The following GJB6 variants were observed in gnomAD, a reference collection of about 807,000 sequenced individuals.
GJB6 encodes the protein gap junction protein beta 6, also known as gap junction beta-6 protein.
In GJB6, 5 loss-of-function variants were observed where a neutral mutation model predicts 5.4. The observed-to-expected ratio is 0.92, with a 90% CI of 0.48 to 1.93. The LOEUF is 1.93. Among genes scored for constraint, GJB6 ranks in the 30% most tolerant of loss-of-function variants. The pLI, the probability that GJB6 is intolerant of heterozygous loss-of-function variation, is 0.01. For synonymous variants in GJB6, 136 were observed against 129.6 expected (o/e 1.05, Z -0.34); for missense variants, 298 against 326.9 (o/e 0.91, Z 0.68).
At chr13:20,229,407 G>A (rs1869911410) in intron 4 of GJB6, among the ~76,000 whole-genome samples, 173 bp downstream of exon 4, 1 of 143,500 alleles carries the variant, frequency 7.0e-6, no homozygotes, top group African/African-American at 2.6e-5. Context: ...CCTCAGCCTC[G>A]GCCTCCCAAA....
intron 3 of GJB6, 43 bp from the exon 4 acceptor site, chr13:20,229,792 T>TCCCCCCCCCCCCCC (rs56771888): frequency 1.3e-3 from 93 of 72,802 alleles, no homozygotes; most frequent in Non-Finnish European, 1.6e-3. Context: ...TTCCTTTAAC[T>TCCCCCCCCCCCCCC]CCCCCCCCCC....
chr13:20,231,913 G>C (rs1363803267), intron 1 of GJB6, among the ~76,000 whole-genome samples: 1 of 152,250 alleles, frequency 6.6e-6, no homozygotes, highest in Non-Finnish European at 1.5e-5. Flanking sequence ...TCCAGCGCGG[G>C]CGGCGCCCAC....
chr13:20,224,969 T>C (rs1869476436), intron 4 of GJB6, among the ~76,000 whole-genome samples: 2 of 152,122 alleles, frequency 1.3e-5, no homozygotes, highest in African/African-American at 4.8e-5. Flanking sequence ...CTGGCTGCTC[T>C]TGGAAGCAGT....
At chr13:20,225,786 A>T (rs1180908833) in intron 4 of GJB6, 2 of 152,190 alleles carry the variant, frequency 1.3e-5, no homozygotes, top group Non-Finnish European at 2.9e-5. Flanking sequence ...CAACTATGAC[A>T]ACGGCAATGG....
intron 4 of GJB6, among the ~76,000 whole-genome samples, chr13:20,226,939 C>G (rs1869623419): frequency 6.6e-6 from 1 of 152,168 alleles, no homozygotes; most frequent in Non-Finnish European, 1.5e-5. Flanking sequence ...TGAACAACGG[C>G]ACCCCGTGGT....
Position 20,223,264 on chromosome 13 carries a change from G to A in GJB6, c.217C>T (p.His73Tyr). The stretch of plus-strand genomic sequence containing the variant: ...AGCTGGAGGGCCCACAGCCGGATGT[G>A]GGACACCGGGAAAAAGTGGTCATAG... ...VCYDHFFPVS[H>Y]IRLWALQLIF... The change falls in exon 5 of 5, where the codon CAC (histidine) becomes TAC (tyrosine). Residue 73 changes from histidine to tyrosine, a missense_variant. Physicochemically the swap from His to Tyr is moderately conservative, Grantham distance 83. Transcript: ENST00000647029. 5 of 1,612,044 alleles carry A rather than the reference G, an allele frequency of 3.1e-6. No individual in the cohort carries two copies. Among genetic ancestry groups the A allele is most frequent in the Non-Finnish European group, 4.2e-6 (5 of 1,178,134 alleles).
chr13:20,231,968 T>C (rs1275093342), intron 1 of GJB6: 5 of 152,196 alleles, frequency 3.3e-5, no homozygotes, highest in African/African-American at 9.7e-5. Context: ...AGGGTGCGGA[T>C]AGAGGCAGAT....
chr13:20,229,315 A>T (rs1406868955), intron 4 of GJB6, among the ~76,000 whole-genome samples: 105 of 55,280 alleles, frequency 1.9e-3, no homozygotes, highest in South Asian at 2.2e-3. Context: ...TACCTGGTTA[A>T]TTTTTTTTTT....
rs755713634 is a variant in GJB6, at chr13:20,222,685, CT to C, written c.*9del. 25 of 1,612,362 alleles carry C rather than the reference CT, an allele frequency of 1.6e-5. No individual in the cohort carries two copies. Among genetic ancestry groups the C allele is most frequent in the Non-Finnish European group, 2.0e-5 (24 of 1,178,346 alleles). On this transcript the variant is annotated 3_prime_UTR_variant, in exon 5 of 5. Transcript: ENST00000647029. ...TCCTTATGACGCAGCTACATTTTAC[CT>C]TGAAATGTTTAGCTTGGGAAACCTG...
At chr13:20,228,712 C>T (rs1334514721) in intron 4 of GJB6, among the ~76,000 whole-genome samples, 1 of 150,778 alleles carries the variant, frequency 6.6e-6, no homozygotes, top group East Asian at 2.0e-4. Flanking sequence ...TCTCGATCTC[C>T]TGACCTCATG....
At chr13:20,230,275 A>C (rs1453223976) in intron 3 of GJB6, among the ~76,000 whole-genome samples, 1 of 152,244 alleles carries the variant, frequency 6.6e-6, no homozygotes, top group East Asian at 1.9e-4. Flanking sequence ...TTAACTCAAT[A>C]AAAATGAAAC....
In GJB6 at chr13:20,222,546, T is replaced by C. The variant is rs1452796165; in HGVS notation, c.*149A>G. ...TTACGTTGTGTATGAATGGAGCAAGTATCCTACAAAAAGTTAACTCAAGTG... is the reference window on the plus strand; with the variant it reads ...TTACGTTGTGTATGAATGGAGCAAGCATCCTACAAAAAGTTAACTCAAGTG... On this transcript the variant is annotated 3_prime_UTR_variant, in exon 5 of 5. Transcript: ENST00000647029. The C allele has an allele frequency of 1.5e-6, 1 of 680,052 alleles. No homozygotes were observed. Among genetic ancestry groups the C allele is most frequent in the Non-Finnish European group, 2.6e-6 (1 of 380,712 alleles). The allele number at this position is 680,052 out of a possible 1,614,324, so 42.1% of individuals were successfully genotyped here.
At chr13:20,230,110 G>A (rs1869983383) in intron 3 of GJB6, 1 of 152,114 alleles carries the variant, frequency 6.6e-6, no homozygotes, top group Non-Finnish European at 1.5e-5. Context: ...CTTCAATCAG[G>A]AAGAATAGAT....
chr13:20,232,085 C>G (rs897622114), intron 1 of GJB6, 109 bp downstream of exon 1: 4 of 152,264 alleles, frequency 2.6e-5, no homozygotes, highest in African/African-American at 7.2e-5. Context: ...GGGGACCAGC[C>G]GCCGACCTCA....
At chr13:20,224,913 C>A (rs976073450) in intron 4 of GJB6, among the ~76,000 whole-genome samples, 30 of 152,280 alleles carry the variant, frequency 2.0e-4, no homozygotes, top group African/African-American at 7.0e-4. Context: ...AGGCCAGCCC[C>A]CTGGACCTCA....
At chr13:20,224,345 C>T (rs889118732) in intron 4 of GJB6, among the ~76,000 whole-genome samples, 2 of 152,170 alleles carry the variant, frequency 1.3e-5, no homozygotes, top group African/African-American at 2.4e-5. Flanking sequence ...TGAATAACAT[C>T]ATCTGCCATA....
intron 4 of GJB6, among the ~76,000 whole-genome samples, chr13:20,225,863 A>G (rs770135075): frequency 1.8e-4 from 27 of 152,292 alleles, no homozygotes; most frequent in African/African-American, 5.8e-4. Context: ...TTGTATTTTC[A>G]TGATTCCTTC....
At chr13:20,224,222 A>T (rs942561608) in intron 4 of GJB6, among the ~76,000 whole-genome samples, 4 of 152,074 alleles carry the variant, frequency 2.6e-5, no homozygotes, top group Middle Eastern at 3.2e-3. Context: ...TTCAGGGGGA[A>T]AAAAAACTTT....
At position 20,225,892 on chromosome 13, in the gene GJB6, T is replaced by C. The variant is rs140603641; in HGVS notation, c.-15-2397A>G. Among the ~76,000 whole-genome samples the C allele has an allele frequency of 1.5e-3, 225 of 152,230 alleles. 1 individual carries two copies. The highest frequency in any genetic ancestry group is 5.4e-3 in the African/African-American group (223 of 41,522). On this transcript the variant is annotated intron_variant, in intron 4 of 4. Transcript: ENST00000647029. Reference sequence around the variant, plus strand: ...TTCCTTCAATAACTGCAGCCTAGCATTTTACTTCAGGAATATCAGTATTCC... The same window carrying C: ...TTCCTTCAATAACTGCAGCCTAGCACTTTACTTCAGGAATATCAGTATTCC...
Sources: gnomAD v4.1 joint callset for allele counts (sites outside exome capture counted in the v4.1 genomes callset) on GRCh38, gnomAD v4.1.1 for gene constraint, MANE v1.5 for transcripts, NCBI Gene and HGNC (gene_info 2026-07-23, HGNC 2026-07-21) for gene names.